The following FOXO1 variants were observed in gnomAD, a reference collection of about 807,000 sequenced individuals.
The protein encoded by FOXO1 is forkhead box protein O1.
FOXO1 carries 6 observed loss-of-function variants against 44.1 expected under a neutral mutation model. That is an observed-to-expected ratio of 0.14 (90% CI 0.07 to 0.27). FOXO1 has a LOEUF of 0.27. Ranked by LOEUF, FOXO1 falls within the 10% of genes least tolerant of loss-of-function variation. The pLI, the probability that FOXO1 is intolerant of heterozygous loss-of-function variation, is 1.00. For synonymous variants in FOXO1, 380 were observed against 362.7 expected, an observed-to-expected ratio of 1.05 and a Z score of -0.54; for missense variants, 737 against 888.8, an observed-to-expected ratio of 0.83 and a Z score of 2.17.
chr13:40,657,881 T>C (rs936788838), intron 1 of FOXO1, among the ~76,000 whole-genome samples: 3 of 152,198 alleles, frequency 2.0e-5, no homozygotes, highest in African/African-American at 7.2e-5. Flanking sequence ...ATAATCACTG[T>C]TCTTTAGTTA....
At chr13:40,624,317 T>TAAAAAA (rs10552634) in intron 1 of FOXO1, among the ~76,000 whole-genome samples, 33 of 100,984 alleles carry the variant, frequency 3.3e-4, no homozygotes, top group East Asian at 4.8e-4. Flanking sequence ...TAATACTGCT[T>TAAAAAA]AAAAAAAAAA....
At chr13:40,662,056 A>C (rs777528902) in intron 1 of FOXO1, among the ~76,000 whole-genome samples, 7 of 151,134 alleles carry the variant, frequency 4.6e-5, no homozygotes, top group Non-Finnish European at 1.0e-4. Context: ...CAGTAGTCCC[A>C]GCTACTCGGG....
chr13:40,657,305 C>T (rs1470416272), intron 1 of FOXO1, among the ~76,000 whole-genome samples: 8 of 149,314 alleles, frequency 5.4e-5, no homozygotes, highest in African/African-American at 7.5e-5. Flanking sequence ...GAACAATCTC[C>T]CATCCTTTTT....
At position 40,666,312 on chromosome 13, in the gene FOXO1, T is replaced by G. The variant is rs1166820631; in HGVS notation, c.-100A>C. The G allele has an allele frequency of 6.1e-5, 60 of 989,444 alleles. No individual in the cohort carries two copies. The highest frequency in any genetic ancestry group is 7.9e-5 in the Non-Finnish European group (59 of 744,168). 61.3% of individuals were successfully genotyped at this position (989,444 alleles called of 1,614,324 possible). A position where few individuals can be genotyped will look rare whatever the true frequency, so the allele number is the denominator to read the frequency against. ...GGGGCGCGAAGGGACGGTCCGAGAT[T>G]TGGGGGAACGAAGCCGGTGCGGCGA... is the stretch of plus-strand genomic sequence containing the variant. On this transcript the variant is annotated 5_prime_UTR_variant, in exon 1 of 3. Transcript: ENST00000379561.
chr13:40,562,935 C>A (rs2137826457), intron 1 of FOXO1, among the ~76,000 whole-genome samples: 1 of 152,382 alleles, frequency 6.6e-6, no homozygotes, highest in East Asian at 1.9e-4. Context: ...ACAGGGCACA[C>A]AGCCACTACA....
At chr13:40,616,218 A>C (rs748828011) in intron 1 of FOXO1, among the ~76,000 whole-genome samples, 14 of 152,190 alleles carry the variant, frequency 9.2e-5, no homozygotes, top group Admixed American at 2.6e-4. Flanking sequence ...AATGAAAAAC[A>C]AGTATCTTTA....
chr13:40,628,603 T>C (rs1002380299), intron 1 of FOXO1, among the ~76,000 whole-genome samples: 1 of 152,152 alleles, frequency 6.6e-6, no homozygotes, highest in Non-Finnish European at 1.5e-5. Context: ...ACTCATACGA[T>C]CTAGACCCAA....
At chr13:40,565,105 CTGTT>C (rs887882063) in intron 1 of FOXO1, among the ~76,000 whole-genome samples, 2 of 151,672 alleles carry the variant, frequency 1.3e-5, no homozygotes, top group African/African-American at 2.4e-5. Flanking sequence ...GCCTCAATAA[CTGTT>C]TGTTGCTTGA....
chr13:40,610,659 C>A (rs1876196979), intron 1 of FOXO1, among the ~76,000 whole-genome samples: 1 of 152,156 alleles, frequency 6.6e-6, no homozygotes, highest in Non-Finnish European at 1.5e-5. Context: ...TTCTGCCTTA[C>A]CATTTTTATT....
At chr13:40,625,541 G>GT (rs757745003) in intron 1 of FOXO1, among the ~76,000 whole-genome samples, 23 of 151,540 alleles carry the variant, frequency 1.5e-4, no homozygotes, top group South Asian at 1.0e-3. Flanking sequence ...TAAAACAGAG[G>GT]TTTTTTTTAC....
At chr13:40,635,082 C>G (rs1877102263) in intron 1 of FOXO1, among the ~76,000 whole-genome samples, 1 of 152,184 alleles carries the variant, frequency 6.6e-6, no homozygotes, top group Admixed American at 6.5e-5. Context: ...ATTTACAATT[C>G]ATAAGCAATC....
intron 1 of FOXO1, among the ~76,000 whole-genome samples, chr13:40,635,195 A>G (rs1268931190): frequency 8.0e-6 from 1 of 125,564 alleles, no homozygotes; most frequent in African/African-American, 3.4e-5. Flanking sequence ...CTAGTTCTTC[A>G]TTAACCAAAA....
At chr13:40,609,846 C>T (rs539448863) in intron 1 of FOXO1, among the ~76,000 whole-genome samples, 9 of 152,170 alleles carry the variant, frequency 5.9e-5, no homozygotes, top group East Asian at 1.9e-4. Context: ...TTTCCAATTA[C>T]GAATGTAGGC....
chr13:40,634,270 CA>C, intron 1 of FOXO1, among the ~76,000 whole-genome samples: 1 of 152,132 alleles, frequency 6.6e-6, no homozygotes, highest in Non-Finnish European at 1.5e-5. Context: ...GACTAATCTG[CA>C]ATAGAGAACT....
intron 1 of FOXO1, among the ~76,000 whole-genome samples, chr13:40,650,819 A>C (rs970343964): frequency 6.6e-6 from 1 of 152,170 alleles, no homozygotes; most frequent in Non-Finnish European, 1.5e-5. Context: ...CAGTGGCGCA[A>C]TCTTGGCTCA....
At chr13:40,584,975 A>C (rs1370109148) in intron 1 of FOXO1, among the ~76,000 whole-genome samples, 2 of 152,252 alleles carry the variant, frequency 1.3e-5, no homozygotes, top group Non-Finnish European at 2.9e-5. Flanking sequence ...TAAGGTAACT[A>C]TGTTATTCCA....
intron 1 of FOXO1, among the ~76,000 whole-genome samples, chr13:40,634,918 C>A (rs889599744): frequency 5.9e-5 from 9 of 152,102 alleles, no homozygotes. Context: ...CCTCATGGAT[C>A]CACCCACCTC....
At chr13:40,579,480 C>T (rs1294829455) in intron 1 of FOXO1, among the ~76,000 whole-genome samples, 2 of 152,080 alleles carry the variant, frequency 1.3e-5, no homozygotes, top group South Asian at 2.1e-4. Flanking sequence ...AAGAATGGGC[C>T]AAATCTTTTC....
intron 1 of FOXO1, among the ~76,000 whole-genome samples, chr13:40,587,808 T>TAA (rs1478837997): frequency 6.6e-6 from 1 of 152,242 alleles, no homozygotes; most frequent in African/African-American, 2.4e-5. Context: ...TCCATCCAAC[T>TAA]AAAGTGCTGT....
Sources: gnomAD v4.1 joint callset for allele counts (sites outside exome capture counted in the v4.1 genomes callset) on GRCh38, gnomAD v4.1.1 for gene constraint, MANE v1.5 for transcripts, NCBI Gene and HGNC (gene_info 2026-07-23, HGNC 2026-07-21) for gene names.